SLC24A2: variants seen among roughly 807,000 people sequenced by gnomAD.
The protein encoded by SLC24A2 is sodium/potassium/calcium exchanger 2.
Under a neutral mutation model 62.0 loss-of-function variants are expected in SLC24A2, and 36 were observed. The observed-to-expected ratio is 0.58, with a 90% CI of 0.44 to 0.77. SLC24A2 has a LOEUF of 0.77. Among genes scored for constraint, SLC24A2 ranks in the 30% least tolerant of loss-of-function variants. The pLI is 0.00. For synonymous variants in SLC24A2, 358 were observed against 294.0 expected (o/e 1.22, Z -2.23); for missense variants, 846 against 817.9 (o/e 1.03, Z -0.42).
At chr9:19,907,568 C>G in the SLC24A2 span, among the ~76,000 whole-genome samples, 5 of 152,172 alleles carry the variant, frequency 3.3e-5, no homozygotes, top group East Asian at 7.7e-4. Context: ...GATTGTATAT[C>G]TAGAAAACCC....
chr9:19,919,535 T>C, the SLC24A2 span, among the ~76,000 whole-genome samples: 239 of 152,246 alleles, frequency 1.6e-3, no homozygotes, highest in African/African-American at 5.4e-3. Context: ...AAAATACAAT[T>C]ACACATCAAA....
chr9:19,884,435 T>G, the SLC24A2 span, among the ~76,000 whole-genome samples: 2 of 152,202 alleles, frequency 1.3e-5, no homozygotes, highest in Non-Finnish European at 2.9e-5. Context: ...TGTTGTATAG[T>G]TGAAAAAGGA....
the SLC24A2 span, among the ~76,000 whole-genome samples, chr9:20,179,920 C>T: frequency 2.0e-5 from 3 of 152,118 alleles, no homozygotes; most frequent in Non-Finnish European, 4.4e-5. Flanking sequence ...AAAAATTTTT[C>T]CTAAGATGAC....
chr9:19,533,722 A>C (rs1001730664), intron 8 of SLC24A2, among the ~76,000 whole-genome samples: 2 of 152,172 alleles, frequency 1.3e-5, no homozygotes, highest in African/African-American at 4.8e-5. Flanking sequence ...GCACAACCCA[A>C]ATTGCCAATT....
chr9:19,829,800 TATATATATATACAC>T, the SLC24A2 span, among the ~76,000 whole-genome samples: 2 of 62,006 alleles, frequency 3.2e-5, no homozygotes, highest in Non-Finnish European at 6.0e-5. Context: ...TGTGTGTGTA[TATATATATATACAC>T]ACACACACAC....
At chr9:20,174,153 A>G in the SLC24A2 span, among the ~76,000 whole-genome samples, 1 of 152,116 alleles carries the variant, frequency 6.6e-6, no homozygotes, top group Admixed American at 6.6e-5. Flanking sequence ...CACATGTAGG[A>G]GAATGAAACT....
chr9:20,190,253 G>C, the SLC24A2 span, among the ~76,000 whole-genome samples: 1 of 152,072 alleles, frequency 6.6e-6, no homozygotes, highest in African/African-American at 2.4e-5. Context: ...ACTATGCCAG[G>C]GCAGTCCTCA....
chr9:19,728,387 G>A (rs951726913), intron 2 of SLC24A2, among the ~76,000 whole-genome samples: 4 of 151,990 alleles, frequency 2.6e-5, no homozygotes, highest in African/African-American at 9.7e-5. Flanking sequence ...ATAAATTCAG[G>A]CAAATGGGCA....
chr9:19,652,315 C>A (rs560123406), intron 2 of SLC24A2, among the ~76,000 whole-genome samples: 11 of 152,228 alleles, frequency 7.2e-5, no homozygotes, highest in Non-Finnish European at 1.5e-4. Context: ...ACCCCAGAAA[C>A]CTGTGAATAT....
At chr9:20,228,610 T>C in the SLC24A2 span, among the ~76,000 whole-genome samples, 9 of 152,130 alleles carry the variant, frequency 5.9e-5, no homozygotes, top group African/African-American at 1.9e-4. Flanking sequence ...TTCTCTGCTA[T>C]TGCCCTAAGA....
the SLC24A2 span, among the ~76,000 whole-genome samples, chr9:20,222,443 T>C: frequency 6.6e-6 from 1 of 152,118 alleles, no homozygotes; most frequent in African/African-American, 2.4e-5. Flanking sequence ...AACTAGATTT[T>C]GTTTTGGTAT....
chr9:19,546,303 G>A (rs963592020), intron 8 of SLC24A2, among the ~76,000 whole-genome samples: 5 of 152,210 alleles, frequency 3.3e-5, no homozygotes, highest in African/African-American at 9.6e-5. Flanking sequence ...CGCCCCTTCC[G>A]CCAGATGCTC....
chr9:19,952,515 T>C, the SLC24A2 span, among the ~76,000 whole-genome samples: 15 of 152,062 alleles, frequency 9.9e-5, no homozygotes, highest in African/African-American at 3.6e-4. Context: ...CCCGATTTCC[T>C]CAGAGTTTTT....
chr9:19,751,720 T>C (rs1246292958), intron 2 of SLC24A2, among the ~76,000 whole-genome samples: 1 of 152,184 alleles, frequency 6.6e-6, no homozygotes, highest in Non-Finnish European at 1.5e-5. Context: ...AGTACCAGGC[T>C]CACCTGATAT....
At chr9:19,683,528 G>C (rs987211808) in intron 2 of SLC24A2, among the ~76,000 whole-genome samples, 1 of 149,252 alleles carries the variant, frequency 6.7e-6, no homozygotes, top group Admixed American at 6.7e-5. Flanking sequence ...TGGAAATTGT[G>C]CTCTGAACTT....
chr9:19,694,278 T>G (rs920294440), intron 2 of SLC24A2, among the ~76,000 whole-genome samples: 1 of 152,150 alleles, frequency 6.6e-6, no homozygotes, highest in Non-Finnish European at 1.5e-5. Context: ...GTTTAAACGC[T>G]TTAATAAAAG....
chr9:20,244,246 A>G, the SLC24A2 span, among the ~76,000 whole-genome samples: 1 of 152,218 alleles, frequency 6.6e-6, no homozygotes, highest in Non-Finnish European at 1.5e-5. Flanking sequence ...TTAAACAGCT[A>G]TGGGCCAGAC....
chr9:19,768,899 A>C lies in SLC24A2; in HGVS notation c.930+17038T>G, dbSNP rs143983951. 6.0e-4 allele frequency among the ~76,000 whole-genome samples: 91 copies of C among 152,126 alleles called. No homozygotes were observed. The South Asian group carries it at 0.019, about 31-fold the overall frequency. On this transcript the variant is annotated intron_variant, in intron 2 of 10. Transcript: ENST00000341998. ...TTCTCCTTGTTTTCCTCATGCTTCAATGCTATGAATCCCAGGACTTAGGCC... is the reference window on the plus strand; with the variant it reads ...TTCTCCTTGTTTTCCTCATGCTTCACTGCTATGAATCCCAGGACTTAGGCC...
chr9:20,022,896 C>A, the SLC24A2 span, among the ~76,000 whole-genome samples: 2 of 152,174 alleles, frequency 1.3e-5, no homozygotes, highest in Non-Finnish European at 2.9e-5. Context: ...TTATTCTATG[C>A]ATGTTCACCA....
Sources: allele counts gnomAD v4.1 joint callset (sites outside exome capture counted in the v4.1 genomes callset), GRCh38; gene constraint gnomAD v4.1.1; transcripts MANE v1.5; gene names NCBI Gene and HGNC (gene_info 2026-07-23, HGNC 2026-07-21).